FIRRM: variants seen among roughly 807,000 people sequenced by gnomAD.
The protein encoded by FIRRM is FIGNL1 interacting regulator of recombination and mitosis.
At chr1:169,812,978 G>A in the FIRRM span, among the ~76,000 whole-genome samples, 3 of 152,078 alleles carry the variant, frequency 2.0e-5, no homozygotes, top group East Asian at 1.9e-4. Flanking sequence ...TTCCATTAGC[G>A]AACCATCCAA....
chr1:169,837,049 A>C, the FIRRM span: 1 of 1,612,062 alleles, frequency 6.2e-7, no homozygotes, highest in African/African-American at 1.3e-5. Context: ...TCACCACAGT[A>C]GGCACTGCAG....
chr1:169,800,906 A>T, the FIRRM span: 1 of 1,586,970 alleles, frequency 6.3e-7, no homozygotes, highest in Non-Finnish European at 8.6e-7. Context: ...TATTGTAGAA[A>T]TGTTTTTACC....
chr1:169,851,019 T>C, the FIRRM span: 1 of 45,464 alleles, frequency 2.2e-5, no homozygotes, highest in Non-Finnish European at 4.6e-5. Flanking sequence ...TTGGGCAGCC[T>C]CCCAAGCCAG....
the FIRRM span, among the ~76,000 whole-genome samples, chr1:169,819,478 A>G: frequency 3.9e-5 from 6 of 152,358 alleles, no homozygotes; most frequent in South Asian, 2.1e-4. Context: ...AGATAATGCA[A>G]TGCAAAGCAG....
At chr1:169,795,295 A>C in the FIRRM span, 5 of 1,457,368 alleles carry the variant, frequency 3.4e-6, no homozygotes, top group Admixed American at 8.3e-5. Context: ...CTTCAGACCC[A>C]CCGCCAGGCT....
At chr1:169,849,357 C>T in the FIRRM span, 2 of 609,358 alleles carry the variant, frequency 3.3e-6, no homozygotes, top group East Asian at 5.7e-5. Flanking sequence ...AAAAGAGTGA[C>T]ATTACCTAAT....
chr1:169,787,077 C>T, the FIRRM span, among the ~76,000 whole-genome samples: 160 of 152,258 alleles, frequency 1.1e-3, 2 homozygotes, highest in Admixed American at 7.4e-3. Flanking sequence ...GTAGCCAGGA[C>T]GCACAGAGAA....
chr1:169,795,476 T>C, the FIRRM span: 1 of 1,261,116 alleles, frequency 7.9e-7, no homozygotes. Flanking sequence ...TGTGGCGTTT[T>C]CTTCCATTCC....
At chr1:169,846,379 G>A in the FIRRM span, among the ~76,000 whole-genome samples, 24 of 152,288 alleles carry the variant, frequency 1.6e-4, no homozygotes, top group East Asian at 4.4e-3. Context: ...CCCCCAAGAA[G>A]AGAGTCTGTC....
the FIRRM span, among the ~76,000 whole-genome samples, chr1:169,838,934 TCCTC>T: frequency 6.6e-6 from 1 of 152,090 alleles, no homozygotes; most frequent in African/African-American, 2.4e-5. Flanking sequence ...TTACCATCTC[TCCTC>T]CCTCCCCCTA....
the FIRRM span, chr1:169,842,294 A>G: frequency 1.1e-6 from 1 of 872,580 alleles, no homozygotes; most frequent in Non-Finnish European, 1.6e-6. Flanking sequence ...TCTTAGAAAT[A>G]TTATTCTACA....
the FIRRM span, among the ~76,000 whole-genome samples, chr1:169,845,181 A>G: frequency 2.4e-4 from 37 of 152,232 alleles, no homozygotes; most frequent in Non-Finnish European, 4.4e-4. Flanking sequence ...TTCCCAGTGC[A>G]TACAGAAGTT....
chr1:169,793,462 T>G, the FIRRM span: 2 of 1,614,202 alleles, frequency 1.2e-6, no homozygotes, highest in East Asian at 2.2e-5. Context: ...CTGCACTGAG[T>G]GGACTGTCTG....
the FIRRM span, among the ~76,000 whole-genome samples, chr1:169,791,059 A>G: frequency 1.3e-5 from 2 of 152,152 alleles, no homozygotes; most frequent in African/African-American, 4.8e-5. Flanking sequence ...TGAGAATCTA[A>G]CACCGCTGCT....
At chr1:169,802,959 A>T in the FIRRM span, among the ~76,000 whole-genome samples, 2 of 152,260 alleles carry the variant, frequency 1.3e-5, no homozygotes, top group Non-Finnish European at 2.9e-5. Flanking sequence ...TGTGTGGAAC[A>T]CCTGCCATGT....
At chr1:169,850,336 T>G in the FIRRM span, 1 of 1,604,876 alleles carries the variant, frequency 6.2e-7, no homozygotes, top group Non-Finnish European at 8.5e-7. Context: ...TTGTATCCTT[T>G]CTGGAGAAGG....
At chr1:169,802,738 T>TC in the FIRRM span, 1 of 1,519,934 alleles carries the variant, frequency 6.6e-7, no homozygotes, top group Non-Finnish European at 9.1e-7. Context: ...AAGTCAAATG[T>TC]ATTAGAAAGC....
the FIRRM span, chr1:169,827,255 C>A: frequency 7.3e-7 from 1 of 1,376,646 alleles, no homozygotes; most frequent in Non-Finnish European, 1.0e-6. Context: ...GTTAGAGACA[C>A]TGATTTCCCC....
the FIRRM span, among the ~76,000 whole-genome samples, chr1:169,801,176 C>T: frequency 6.6e-6 from 1 of 152,072 alleles, no homozygotes; most frequent in South Asian, 2.1e-4. Flanking sequence ...GGCACGGTGG[C>T]TCATGCCTGT....
Sources: allele counts gnomAD v4.1 joint callset (sites outside exome capture counted in the v4.1 genomes callset), GRCh38; gene constraint gnomAD v4.1.1; transcripts MANE v1.5; gene names NCBI Gene and HGNC (gene_info 2026-07-23, HGNC 2026-07-21).